UACA: variants seen among roughly 807,000 people sequenced by gnomAD.
UACA encodes nuclear membrane binding protein.
In UACA, 112 loss-of-function variants were observed where a neutral mutation model predicts 160.5. That is an observed-to-expected ratio of 0.70 (90% CI 0.60 to 0.82). UACA has a LOEUF of 0.82. Among genes scored for constraint, UACA ranks in the 40% least tolerant of loss-of-function variants. UACA has a pLI of 0.00. For missense variants in UACA, 1,574 were observed against 1,614.6 expected, an observed-to-expected ratio of 0.97 and a Z score of 0.43; for synonymous variants, 557 against 568.4, an observed-to-expected ratio of 0.98 and a Z score of 0.29.
intron 7 of UACA, among the ~76,000 whole-genome samples, chr15:70,686,920 C>G (rs1897745360): frequency 6.6e-6 from 1 of 152,066 alleles, no homozygotes; most frequent in Non-Finnish European, 1.5e-5. Context: ...GACCTACAGA[C>G]AGAGATAGGG....
At chr15:70,681,865 C>G in intron 9 of UACA, 1 of 152,224 alleles carries the variant, frequency 6.6e-6, no homozygotes, top group East Asian at 1.9e-4. Flanking sequence ...GCACATGTAT[C>G]TCAGAACTTA....
chr15:70,660,090 G>A, intron 18 of UACA, 61 bp downstream of exon 18: 1 of 1,378,432 alleles, frequency 7.3e-7, no homozygotes, highest in East Asian at 2.4e-5. Context: ...AAATTTATTT[G>A]AAAATAAAAA....
chr15:70,771,838 C>T, the UACA span, among the ~76,000 whole-genome samples: 3 of 152,080 alleles, frequency 2.0e-5, no homozygotes, highest in Non-Finnish European at 2.9e-5. Context: ...CGGCCCTAAG[C>T]AGTGTGGTAT....
intron 16 of UACA, among the ~76,000 whole-genome samples, chr15:70,665,493 C>T (rs1896871194): frequency 6.6e-6 from 1 of 152,042 alleles, no homozygotes; most frequent in South Asian, 2.1e-4. Flanking sequence ...ATAGTCCCAA[C>T]ACTTTGGGAG....
chr15:70,745,104 G>A (rs1291706042), intron 1 of UACA, among the ~76,000 whole-genome samples: 2 of 152,044 alleles, frequency 1.3e-5, no homozygotes, highest in East Asian at 1.9e-4. Flanking sequence ...CCTCTTCAAG[G>A]AGAACTACAA....
intron 11 of UACA, among the ~76,000 whole-genome samples, chr15:70,677,390 T>A (rs1897332238): frequency 6.6e-6 from 1 of 152,238 alleles, no homozygotes; most frequent in African/African-American, 2.4e-5. Context: ...TTGGTCCTCA[T>A]ATCTTCTGTC....
the UACA span, among the ~76,000 whole-genome samples, chr15:70,771,517 A>C: frequency 6.6e-6 from 1 of 152,236 alleles, no homozygotes; most frequent in Admixed American, 6.5e-5. Context: ...CAGAGTGTTC[A>C]TTCCTCCAGC....
At chr15:70,700,103 T>G (rs1898290445) in intron 1 of UACA, among the ~76,000 whole-genome samples, 1 of 151,894 alleles carries the variant, frequency 6.6e-6, no homozygotes, top group African/African-American at 2.4e-5. Flanking sequence ...AACCATGACT[T>G]CTATAGTTCC....
At chr15:70,681,078 C>T (rs1318978410) in intron 9 of UACA, among the ~76,000 whole-genome samples, 6 of 152,202 alleles carry the variant, frequency 3.9e-5, no homozygotes, top group Non-Finnish European at 7.3e-5. Flanking sequence ...GCCTGTGAGG[C>T]TTCTCCCACA....
At chr15:70,704,882 G>A (rs1245093178) in intron 1 of UACA, among the ~76,000 whole-genome samples, 5 of 152,118 alleles carry the variant, frequency 3.3e-5, no homozygotes, top group Non-Finnish European at 7.4e-5. Context: ...GAGACCCCAG[G>A]GATGCCTTGT....
chr15:70,700,055 C>T (rs1439527265), intron 1 of UACA, among the ~76,000 whole-genome samples: 6 of 151,878 alleles, frequency 4.0e-5, no homozygotes, highest in African/African-American at 1.5e-4. Context: ...AAAGCCAAGG[C>T]CCCAGAGACA....
chr15:70,712,225 G>C (rs1013244528), intron 1 of UACA, among the ~76,000 whole-genome samples: 3 of 151,860 alleles, frequency 2.0e-5, no homozygotes, highest in Non-Finnish European at 2.9e-5. Context: ...GTTGTGTGTA[G>C]ACAGAAACCT....
At chr15:70,748,871 G>A (rs1047076329) in intron 1 of UACA, 1 of 152,462 alleles carries the variant, frequency 6.6e-6, no homozygotes, top group Non-Finnish European at 1.5e-5. Flanking sequence ...TCAAGATAAT[G>A]CATTAATATT....
At chr15:70,672,931 C>G (rs1412677718) in intron 13 of UACA, among the ~76,000 whole-genome samples, 2 of 152,000 alleles carry the variant, frequency 1.3e-5, no homozygotes, top group Non-Finnish European at 2.9e-5. Context: ...CCCGTCTCTA[C>G]TAAAAATACA....
intron 1 of UACA, among the ~76,000 whole-genome samples, chr15:70,717,303 T>C (rs1898850133): frequency 6.6e-6 from 1 of 152,186 alleles, no homozygotes; most frequent in African/African-American, 2.4e-5. Context: ...AACACTAAAC[T>C]AGGCATGGAC....
At chr15:70,682,376 A>G (rs1897540732) in intron 9 of UACA, among the ~76,000 whole-genome samples, 1 of 152,222 alleles carries the variant, frequency 6.6e-6, no homozygotes. Flanking sequence ...GAATTTTCCC[A>G]TAACAGTCAA....
At chr15:70,766,428 A>ATT (rs149384942), upstream of UACA, among the ~76,000 whole-genome samples, 1 of 151,476 alleles carries the variant, frequency 6.6e-6, no homozygotes, top group Admixed American at 6.6e-5. Flanking sequence ...TATATAAAAT[A>ATT]TTTTTTTGTT....
intron 2 of UACA, 32 bp from the exon 3 acceptor site, chr15:70,695,137 G>A (rs887949541): frequency 6.6e-7 from 1 of 1,520,584 alleles, no homozygotes; most frequent in African/African-American, 1.4e-5. Context: ...GTTGTGCTAA[G>A]GAAACAACCA....
At chr15:70,749,240 A>G (rs1358330604) in intron 1 of UACA, 3 of 445,610 alleles carry the variant, frequency 6.7e-6, no homozygotes, top group South Asian at 1.6e-5. Flanking sequence ...AGTTGGAGAA[A>G]ACAGGGCCGG....
Sources: gnomAD v4.1 joint callset for allele counts (sites outside exome capture counted in the v4.1 genomes callset) on GRCh38, gnomAD v4.1.1 for gene constraint, MANE v1.5 for transcripts, NCBI Gene and HGNC (gene_info 2026-07-23, HGNC 2026-07-21) for gene names.